The following SUFU variants were observed in gnomAD, a reference collection of about 807,000 sequenced individuals.
The protein encoded by SUFU is SUFU negative regulator of hedgehog signaling.
In SUFU, 7 loss-of-function variants were observed where a neutral mutation model predicts 58.9. The ratio of observed to expected loss-of-function variants is 0.12; its 90% CI spans 0.07 to 0.22. The LOEUF is 0.22. SUFU is among the 10% of genes least tolerant of loss of function. The pLI, the probability that SUFU is intolerant of heterozygous loss-of-function variation, is 1.00. For missense variants in SUFU, 451 were observed against 641.3 expected, an observed-to-expected ratio of 0.70 and a Z score of 3.20; for synonymous variants, 232 against 254.8, an observed-to-expected ratio of 0.91 and a Z score of 0.85.
intron 4 of SUFU, among the ~76,000 whole-genome samples, chr10:102,593,025 C>G (rs373735247): frequency 7.9e-5 from 12 of 152,208 alleles, no homozygotes; most frequent in African/African-American, 2.9e-4. Context: ...ACAGGACTTT[C>G]CAGCGGGAAG....
chr10:102,531,112 A>G (rs1290031580), intron 2 of SUFU, among the ~76,000 whole-genome samples: 1 of 145,200 alleles, frequency 6.9e-6, no homozygotes, highest in African/African-American at 2.5e-5. Flanking sequence ...AAATGTAATC[A>G]GGTGTAGTGG....
At chr10:102,618,886 C>CTTGT (rs1169639913) in intron 10 of SUFU, among the ~76,000 whole-genome samples, 21 of 150,784 alleles carry the variant, frequency 1.4e-4, no homozygotes, top group Non-Finnish European at 2.8e-4. Context: ...TAAGGACAAG[C>CTTGT]CCCTGAGAGT....
chr10:102,531,774 C>T (rs937661702), intron 2 of SUFU, among the ~76,000 whole-genome samples: 20 of 152,118 alleles, frequency 1.3e-4, no homozygotes, highest in African/African-American at 4.1e-4. Flanking sequence ...CTGTCACTCT[C>T]CTAAGGCTGA....
intron 2 of SUFU, 149 bp from the exon 3 acceptor site, chr10:102,549,821 C>T (rs986558976): frequency 2.0e-6 from 2 of 997,756 alleles, no homozygotes; most frequent in Non-Finnish European, 3.0e-6. Context: ...CAGGTTCCCT[C>T]CCCACAAGGC....
chr10:102,617,282 A>C lies in SUFU; in HGVS notation c.1158-8A>C. 1 of 1,614,192 alleles carries C rather than the reference A, an allele frequency of 6.2e-7. No homozygotes were observed. The highest frequency in any genetic ancestry group is 1.1e-5 in the South Asian group (1 of 91,088). On this transcript the variant is annotated splice_polypyrimidine_tract_variant and splice_region_variant and intron_variant, in intron 9 of 11. Coordinates refer to ENST00000369902, the MANE Select transcript of SUFU (RefSeq NM_016169.4). This position sits in a 1 kb window ranked among gnomAD's most constrained non-coding sequence, Gnocchi z 4.4. The stretch of plus-strand genomic sequence containing the variant: ...AGCTCCTCACTGTCTCCATGTTCCC[A>C]TCTCCAGGGGCAGGCTCCTGCATGG...
chr10:102,622,386 G>A (rs1430395866), intron 10 of SUFU, among the ~76,000 whole-genome samples: 2 of 152,058 alleles, frequency 1.3e-5, no homozygotes, highest in East Asian at 1.9e-4. Context: ...GAGGTGGGTG[G>A]ATCATCTGAG....
At chr10:102,573,160 C>G (rs2063180048) in intron 3 of SUFU, 2 of 773,418 alleles carry the variant, frequency 2.6e-6, no homozygotes, top group South Asian at 2.7e-5. Flanking sequence ...TCTTGGCCTT[C>G]AAAGCCTTTG....
At chr10:102,566,591 C>T (rs1411255231) in intron 3 of SUFU, among the ~76,000 whole-genome samples, 5 of 152,030 alleles carry the variant, frequency 3.3e-5, no homozygotes, top group South Asian at 4.2e-4. Flanking sequence ...AGTGAAACCC[C>T]GTCTCTACTA....
intron 3 of SUFU, among the ~76,000 whole-genome samples, chr10:102,564,494 G>A (rs1055314311): frequency 6.6e-6 from 1 of 152,012 alleles, no homozygotes; most frequent in African/African-American, 2.4e-5. Flanking sequence ...CACCACACCC[G>A]GCTAATTTTT....
intron 3 of SUFU, among the ~76,000 whole-genome samples, chr10:102,573,525 A>C (rs1226155779): frequency 6.6e-6 from 1 of 152,240 alleles, no homozygotes; most frequent in Non-Finnish European, 1.5e-5. Context: ...TTGAACAGAT[A>C]TTTGTGCACC....
intron 3 of SUFU, among the ~76,000 whole-genome samples, chr10:102,555,020 G>A (rs1326121683): frequency 1.3e-5 from 2 of 152,100 alleles, no homozygotes; most frequent in Non-Finnish European, 2.9e-5. Context: ...TGTAATCCCA[G>A]TACTCTGGGA....
At chr10:102,592,089 G>C (rs1333776928) in intron 3 of SUFU, among the ~76,000 whole-genome samples, 1 of 152,154 alleles carries the variant, frequency 6.6e-6, no homozygotes, top group Non-Finnish European at 1.5e-5. Flanking sequence ...GATTTCAAAG[G>C]CTCTCCAAGG....
At chr10:102,513,154 G>T (rs927834304) in intron 2 of SUFU, among the ~76,000 whole-genome samples, 1 of 152,114 alleles carries the variant, frequency 6.6e-6, no homozygotes, top group African/African-American at 2.4e-5. Context: ...GTTTCTTTTT[G>T]ATCCTGTTAA....
chr10:102,513,212 G>T (rs1199697884), intron 2 of SUFU, among the ~76,000 whole-genome samples: 1 of 152,248 alleles, frequency 6.6e-6, no homozygotes, highest in South Asian at 2.1e-4. Flanking sequence ...TAATGGTGGG[G>T]CCTCTTTAAA....
intron 3 of SUFU, among the ~76,000 whole-genome samples, chr10:102,583,415 G>A (rs917567765): frequency 6.6e-6 from 1 of 152,092 alleles, no homozygotes; most frequent in Non-Finnish European, 1.5e-5. Context: ...ACATGCTCAG[G>A]GTGGAACGTG....
In SUFU at chr10:102,504,339, G is replaced by A. The variant is rs1589970238; in HGVS notation, c.182+5G>A. Reference sequence around the variant, plus strand: ...TACCGCTATCGTCAAGTACTGGTATGCTCTGGGCCGCGGGGAGACGGACAG... The same window carrying A: ...TACCGCTATCGTCAAGTACTGGTATACTCTGGGCCGCGGGGAGACGGACAG... On this transcript the variant is annotated splice_donor_5th_base_variant and intron_variant, in intron 1 of 11. Coordinates refer to ENST00000369902, the MANE Select transcript of SUFU (RefSeq NM_016169.4). 1 of 1,614,088 alleles carries A rather than the reference G, an allele frequency of 6.2e-7. No homozygotes were observed. The highest frequency in any genetic ancestry group is 1.7e-5 in the Admixed American group (1 of 60,020).
chr10:102,593,781 A>G (rs1225589611), intron 5 of SUFU, 60 bp downstream of exon 5: 1 of 1,547,802 alleles, frequency 6.5e-7, no homozygotes, highest in Non-Finnish European at 8.9e-7. Flanking sequence ...GAGTCCCTCC[A>G]CTACCCTCCA....
intron 8 of SUFU, among the ~76,000 whole-genome samples, chr10:102,609,129 G>C (rs754122423): frequency 4.6e-5 from 7 of 152,154 alleles, no homozygotes; most frequent in Non-Finnish European, 1.0e-4. Context: ...CTCATTGTGC[G>C]ATCTTGGGCT....
At position 102,619,824 on chromosome 10, in the gene SUFU, T is replaced by A. The variant is rs756256076; in HGVS notation, c.1296+2396T>A. ...ACTTGTGGGCCTCTAGATCTCCCTC[T>A]GGGGCTGGCTGTCTCCCTGGGAGTC... On this transcript the variant is annotated intron_variant, in intron 10 of 11. Transcript: ENST00000369902. The surrounding 1 kb of genome is among the most constrained non-coding windows in gnomAD (Gnocchi z 4.2). Among the ~76,000 whole-genome samples the A allele has an allele frequency of 5.3e-5, 8 of 152,154 alleles. No homozygotes were observed. Among genetic ancestry groups the A allele is most frequent in the Non-Finnish European group, 8.8e-5 (6 of 68,006 alleles).
Sources: allele counts gnomAD v4.1 joint callset (sites outside exome capture counted in the v4.1 genomes callset), GRCh38; gene constraint gnomAD v4.1.1; non-coding constraint Gnocchi (gnomAD v3.1); transcripts MANE v1.5; gene names NCBI Gene and HGNC (gene_info 2026-07-23, HGNC 2026-07-21).